The following CCSER1 variants were observed in gnomAD, a reference collection of about 807,000 sequenced individuals.
CCSER1 encodes the protein serine-rich coiled-coil domain-containing protein 1.
Under a neutral mutation model 82.0 loss-of-function variants are expected in CCSER1, and 41 were observed. That is an observed-to-expected ratio of 0.50 (90% CI 0.39 to 0.65). CCSER1 has a LOEUF of 0.65. CCSER1 is among the 30% of genes least tolerant of loss of function. CCSER1 has a pLI of 0.00. For missense variants in CCSER1, 1,119 were observed against 1,064.2 expected (o/e 1.05, Z -0.72); for synonymous variants, 414 against 383.9 (o/e 1.08, Z -0.92).
chr4:90,650,738 TACTTTAACACAGTTTTA>T (rs1304975335), intron 6 of CCSER1, among the ~76,000 whole-genome samples: 1 of 152,224 alleles, frequency 6.6e-6, no homozygotes, highest in Non-Finnish European at 1.5e-5. Context: ...ACCCAGGCTC[TACTTTAACACAGTTTTA>T]TGCTAAGCCA....
intron 10 of CCSER1, among the ~76,000 whole-genome samples, chr4:91,407,833 C>A (rs1457591787): frequency 2.0e-5 from 3 of 152,164 alleles, no homozygotes; most frequent in East Asian, 3.9e-4. Flanking sequence ...CAGGAGGCGC[C>A]ACTTCCAACA....
intron 10 of CCSER1, among the ~76,000 whole-genome samples, chr4:91,488,123 GA>G (rs1313585105): frequency 6.6e-6 from 1 of 151,810 alleles, no homozygotes; most frequent in Non-Finnish European, 1.5e-5. Flanking sequence ...ACTTCAAAAG[GA>G]AAAAAACGCA....
At chr4:90,932,958 GAA>G (rs1388533417) in intron 9 of CCSER1, among the ~76,000 whole-genome samples, 503 of 33,838 alleles carry the variant, frequency 0.015, 142 homozygotes, top group African/African-American at 0.092. Context: ...AAGAAAGAAA[GAA>G]AGAAAGAAAG....
chr4:90,446,836 C>G (rs1419406132), intron 4 of CCSER1, among the ~76,000 whole-genome samples: 1 of 152,182 alleles, frequency 6.6e-6, no homozygotes, highest in Admixed American at 6.5e-5. Context: ...CCTCTTCCTT[C>G]TCAGCCTACT....
At chr4:90,303,543 A>G (rs904021935) in intron 1 of CCSER1, among the ~76,000 whole-genome samples, 1 of 152,092 alleles carries the variant, frequency 6.6e-6, no homozygotes, top group African/African-American at 2.4e-5. Context: ...AAAAACAAGC[A>G]ATGGGGAAAG....
chr4:91,525,418 C>T (rs1760720785), intron 10 of CCSER1, among the ~76,000 whole-genome samples: 1 of 152,088 alleles, frequency 6.6e-6, no homozygotes, highest in African/African-American at 2.4e-5. Flanking sequence ...GGCTGACAGA[C>T]TTTCTATACC....
intron 9 of CCSER1, among the ~76,000 whole-genome samples, chr4:91,079,370 A>G (rs1287721895): frequency 2.0e-5 from 3 of 152,210 alleles, no homozygotes; most frequent in African/African-American, 7.2e-5. Context: ...AGACAAGCAA[A>G]TGCTGAGAGA....
At chr4:90,315,180 A>G (rs1735966102) in intron 3 of CCSER1, among the ~76,000 whole-genome samples, 1 of 152,146 alleles carries the variant, frequency 6.6e-6, no homozygotes, top group Non-Finnish European at 1.5e-5. Flanking sequence ...TTAAAACTTA[A>G]GAAACAAAAG....
chr4:90,802,567 AATT>A (rs10541993), intron 7 of CCSER1, among the ~76,000 whole-genome samples: 51,355 of 151,514 alleles, frequency 0.34, 8,882 homozygotes, highest in African/African-American at 0.41. Context: ...ATCAAGTAGT[AATT>A]ATTAATGCTG....
At chr4:90,211,849 G>A (rs191604919) in intron 1 of CCSER1, among the ~76,000 whole-genome samples, 1 of 152,228 alleles carries the variant, frequency 6.6e-6, no homozygotes, top group Non-Finnish European at 1.5e-5. Flanking sequence ...AGATTCTTGA[G>A]CACATCTGTA....
chr4:90,156,665 A>C lies in CCSER1; in HGVS notation c.-42+28834A>C, dbSNP rs533329062. Among the ~76,000 whole-genome samples the C allele has an allele frequency of 4.6e-5, 7 of 152,136 alleles. No individual in the cohort carries two copies. The East Asian group carries it at 1.4e-3, about 29-fold the overall frequency. ...TCTCTTTTGATCTTTGTTGGTTTAAAGTCTGTTTTATCCGAGACTGGGATT... is the reference window on the plus strand; with the variant it reads ...TCTCTTTTGATCTTTGTTGGTTTAACGTCTGTTTTATCCGAGACTGGGATT... On this transcript the variant is annotated intron_variant, in intron 1 of 10. Coordinates refer to ENST00000509176, the MANE Select transcript of CCSER1 (RefSeq NM_001145065.2).
At chr4:91,418,753 A>C (rs1753524980) in intron 10 of CCSER1, among the ~76,000 whole-genome samples, 1 of 152,036 alleles carries the variant, frequency 6.6e-6, no homozygotes, top group African/African-American at 2.4e-5. Flanking sequence ...GGTATCAAGT[A>C]TTAAAGACAA....
chr4:91,161,757 T>A (rs1019963712), intron 10 of CCSER1, among the ~76,000 whole-genome samples: 1 of 152,106 alleles, frequency 6.6e-6, no homozygotes, highest in Admixed American at 6.5e-5. Flanking sequence ...TGATTTTCTA[T>A]CCTGAGACAT....
chr4:91,236,980 G>C (rs1257378780), intron 10 of CCSER1, among the ~76,000 whole-genome samples: 1 of 152,164 alleles, frequency 6.6e-6, no homozygotes, highest in Non-Finnish European at 1.5e-5. Flanking sequence ...TGAATGTGGA[G>C]TTAAAGATTT....
intron 10 of CCSER1, among the ~76,000 whole-genome samples, chr4:91,168,451 A>G (rs1199781099): frequency 7.3e-6 from 1 of 136,226 alleles, no homozygotes; most frequent in Non-Finnish European, 1.5e-5. Flanking sequence ...CCTGTCTGGG[A>G]AGCAGGGAGC....
At chr4:90,409,516 T>C (rs1197881826) in intron 4 of CCSER1, among the ~76,000 whole-genome samples, 3 of 152,196 alleles carry the variant, frequency 2.0e-5, no homozygotes, top group Non-Finnish European at 4.4e-5. Flanking sequence ...CAGAATTTAA[T>C]ATCCAGCCAA....
intron 4 of CCSER1, among the ~76,000 whole-genome samples, chr4:90,464,337 A>AT: frequency 6.6e-6 from 1 of 152,224 alleles, no homozygotes; most frequent in Admixed American, 6.5e-5. Flanking sequence ...ACTATCAAGT[A>AT]TTTTTTCTTA....
At chr4:91,549,381 C>G (rs1762051324) in intron 10 of CCSER1, among the ~76,000 whole-genome samples, 1 of 152,040 alleles carries the variant, frequency 6.6e-6, no homozygotes, top group Non-Finnish European at 1.5e-5. Flanking sequence ...CATTCATTCT[C>G]TTCCAGCTGT....
At chr4:90,526,148 C>T (rs1773728219) in intron 5 of CCSER1, among the ~76,000 whole-genome samples, 1 of 152,108 alleles carries the variant, frequency 6.6e-6, no homozygotes, top group Non-Finnish European at 1.5e-5. Context: ...TTTCCATTAA[C>T]CCAAAGAGGC....
Sources: gnomAD v4.1 joint callset for allele counts (sites outside exome capture counted in the v4.1 genomes callset) on GRCh38, gnomAD v4.1.1 for gene constraint, MANE v1.5 for transcripts, NCBI Gene and HGNC (gene_info 2026-07-23, HGNC 2026-07-21) for gene names.